UBXN11: variants seen among roughly 807,000 people sequenced by gnomAD.
UBXN11 encodes the protein UBX domain-containing protein 11.
A neutral mutation model predicts 62.8 loss-of-function variants in UBXN11; 47 were observed. That is an observed-to-expected ratio of 0.75 (90% CI 0.59 to 0.95). The LOEUF (loss-of-function observed/expected upper bound fraction) is 0.95. Ranked by LOEUF, UBXN11 falls within the 40% of genes least tolerant of loss-of-function variation. The pLI, the probability that UBXN11 is intolerant of heterozygous loss-of-function variation, is 0.00. For missense variants in UBXN11, 638 were observed against 661.7 expected (o/e 0.96, Z 0.39); for synonymous variants, 294 against 267.0 (o/e 1.10, Z -0.99).
chr1:26,307,418 G>A (rs1006438827), upstream of UBXN11, among the ~76,000 whole-genome samples: 12 of 152,172 alleles, frequency 7.9e-5, no homozygotes, highest in African/African-American at 2.7e-4. Context: ...CAAAGTACAC[G>A]ATTTTAAAGG....
upstream of UBXN11, chr1:26,306,832 G>GGGGGGGGGGGGGGGGGGGGT (rs2073680664): frequency 3.5e-5 from 3 of 84,566 alleles, no homozygotes; most frequent in Non-Finnish European, 5.3e-5. Flanking sequence ...GGCGGGGTGG[G>GGGGGGGGGGGGGGGGGGGGT]GGGGGGGGGT....
chr1:26,313,001 A>AAAAAT (rs2073758987), intron 1 of UBXN11, among the ~76,000 whole-genome samples: 2 of 149,842 alleles, frequency 1.3e-5, no homozygotes, highest in African/African-American at 4.9e-5. Flanking sequence ...AAAAAAAAAA[A>AAAAAT]AAAGAGTGAA....
intron 1 of UBXN11, among the ~76,000 whole-genome samples, chr1:26,313,850 G>A (rs947101236): frequency 4.1e-5 from 6 of 147,200 alleles, no homozygotes; most frequent in Admixed American, 1.4e-4. Flanking sequence ...GCACGATCTC[G>A]GCTCACCACA....
intron 8 of UBXN11, among the ~76,000 whole-genome samples, chr1:26,287,705 TA>T (rs1335012732): frequency 6.6e-6 from 1 of 152,046 alleles, no homozygotes; most frequent in East Asian, 1.9e-4. Context: ...TCCTCTCCCC[TA>T]TATTTCCTAC....
At chr1:26,291,742 C>T (rs936060207) in intron 8 of UBXN11, among the ~76,000 whole-genome samples, 4 of 152,186 alleles carry the variant, frequency 2.6e-5, no homozygotes, top group African/African-American at 9.7e-5. Context: ...CCCAATAGGG[C>T]CTCACCTCTC....
chr1:26,292,338 C>T (rs7537477), intron 8 of UBXN11, among the ~76,000 whole-genome samples: 103,819 of 151,616 alleles, frequency 0.68, 36,075 homozygotes, highest in Non-Finnish European at 0.75. Flanking sequence ...GGCAACGTAG[C>T]GAGACCTCGT....
intron 1 of UBXN11, among the ~76,000 whole-genome samples, chr1:26,316,120 G>C (rs141676885): frequency 1.4e-5 from 2 of 146,068 alleles, no homozygotes; most frequent in Admixed American, 1.4e-4. Context: ...CACTATGCCC[G>C]GCTAATTTTT....
intron 8 of UBXN11, among the ~76,000 whole-genome samples, chr1:26,290,773 G>A (rs12125633): frequency 0.054 from 8,239 of 151,766 alleles, 324 homozygotes; most frequent in Non-Finnish European, 0.085. Context: ...GATTTCAGAG[G>A]GGGATGAGAG....
upstream of UBXN11, among the ~76,000 whole-genome samples, chr1:26,307,374 C>T (rs2073690475): frequency 6.6e-6 from 1 of 152,198 alleles, no homozygotes; most frequent in Non-Finnish European, 1.5e-5. Flanking sequence ...TACCTACCCC[C>T]ACTGGGTTGC....
At chr1:26,305,058 C>G (rs1474527498) in intron 1 of UBXN11, among the ~76,000 whole-genome samples, 1 of 152,104 alleles carries the variant, frequency 6.6e-6, no homozygotes, top group Non-Finnish European at 1.5e-5. Flanking sequence ...GAAAATAGTA[C>G]AGAAAGATCC....
chr1:26,301,543 G>T, intron 3 of UBXN11, 151 bp downstream of exon 3: 2 of 1,114,542 alleles, frequency 1.8e-6, no homozygotes, highest in Non-Finnish European at 2.5e-6. Flanking sequence ...CAGCCCTCAG[G>T]GAGGACAGCA....
rs757392393 is a variant in UBXN11 at position 26,282,798 on chromosome 1, C to T, written c.1152-9G>A. 10 of 1,614,144 alleles carry T rather than the reference C, an allele frequency of 6.2e-6. No individual in the cohort carries two copies. The highest frequency in any genetic ancestry group is 8.5e-6 in the Non-Finnish European group (10 of 1,180,018). ...TGGGTGACTCCTGGCTCCTGCACAG[C>T]CCAGAGGCCATCAGCACGCGGTGAC... On this transcript the variant is annotated splice_polypyrimidine_tract_variant and intron_variant, in intron 13 of 14. Coordinates refer to ENST00000374222, the MANE Select transcript of UBXN11 (RefSeq NM_001389556.1).
chr1:26,299,329 T>C (rs570594494), intron 4 of UBXN11, among the ~76,000 whole-genome samples: 5 of 151,574 alleles, frequency 3.3e-5, no homozygotes, highest in African/African-American at 4.9e-5. Flanking sequence ...CTGAGCAACA[T>C]AGAGAAACCC....
intron 12 of UBXN11, among the ~76,000 whole-genome samples, chr1:26,283,182 A>G (rs1297136830): frequency 6.6e-6 from 1 of 152,116 alleles, no homozygotes; most frequent in Non-Finnish European, 1.5e-5. Context: ...AACCCCACAC[A>G]GACGATGATC....
intron 8 of UBXN11, 156 bp downstream of exon 8, chr1:26,294,049 T>TC: frequency 8.6e-7 from 1 of 1,165,414 alleles, no homozygotes; most frequent in Non-Finnish European, 1.2e-6. Context: ...CCAAGGCTGC[T>TC]CCCACATTGT....
intron 7 of UBXN11, among the ~76,000 whole-genome samples, chr1:26,296,423 C>CA (rs2073393965): frequency 6.6e-6 from 1 of 152,114 alleles, no homozygotes. Context: ...CCTAGGAGGC[C>CA]CGGGGGATAT....
rs758709571 is a variant in UBXN11 at position 26,282,843 on chromosome 1, ACCT to A, written c.1151+18_1151+20del. The A allele has an allele frequency of 1.2e-6, 2 of 1,613,384 alleles. No individual in the cohort carries two copies. Among genetic ancestry groups the A allele is most frequent in the African/African-American group, 1.3e-5 (1 of 74,964 alleles). Reference sequence around the variant, plus strand: ...GGTGACCCAACGCCCCCAGGCCCTCACCTCCTCATCCCGCCCTCACCTCTCTCG... The same window carrying A: ...GGTGACCCAACGCCCCCAGGCCCTCACCTCATCCCGCCCTCACCTCTCTCG... On this transcript the variant is annotated intron_variant, in intron 13 of 14. Transcript: ENST00000374222.
At chr1:26,298,439 G>A (rs1570117976) in intron 4 of UBXN11, among the ~76,000 whole-genome samples, 1 of 152,166 alleles carries the variant, frequency 6.6e-6, no homozygotes, top group South Asian at 2.1e-4. Context: ...AGAGGAGTGA[G>A]GCAAATACCC....
intron 1 of UBXN11, among the ~76,000 whole-genome samples, chr1:26,303,936 G>GA (rs2073601039): frequency 6.6e-6 from 1 of 152,116 alleles, no homozygotes; most frequent in Non-Finnish European, 1.5e-5. Context: ...CTGGAAAAAG[G>GA]AGTGCACCTG....
Sources: allele counts gnomAD v4.1 joint callset (sites outside exome capture counted in the v4.1 genomes callset), GRCh38; gene constraint gnomAD v4.1.1; transcripts MANE v1.5; gene names NCBI Gene and HGNC (gene_info 2026-07-23, HGNC 2026-07-21).